MYO3B: variants seen among roughly 807,000 people sequenced by gnomAD.
The protein encoded by MYO3B is myosin-IIIb.
In MYO3B, 156 loss-of-function variants were observed where a neutral mutation model predicts 174.6. The observed-to-expected ratio is 0.89, with a 90% confidence interval of 0.78 to 1.02. The LOEUF (loss-of-function observed/expected upper bound fraction) is 1.02. Among genes scored for constraint, MYO3B ranks in the 50% least tolerant of loss-of-function variants. The pLI is 0.00. For synonymous variants in MYO3B, 563 were observed against 569.1 expected, an observed-to-expected ratio of 0.99 and a Z score of 0.15; for missense variants, 1,632 against 1,639.4, an observed-to-expected ratio of 1.00 and a Z score of 0.08.
At chr2:170,296,292 T>C (rs1320537829) in intron 7 of MYO3B, among the ~76,000 whole-genome samples, 1 of 152,190 alleles carries the variant, frequency 6.6e-6, no homozygotes, top group East Asian at 1.9e-4. Context: ...AAGAAGCTTA[T>C]CCAATGTGAA....
chr2:170,587,976 A>C (rs1693589518), intron 32 of MYO3B, among the ~76,000 whole-genome samples: 1 of 152,202 alleles, frequency 6.6e-6, no homozygotes, highest in Non-Finnish European at 1.5e-5. Flanking sequence ...AGATCTCTAC[A>C]TGGACTTATA....
At chr2:170,472,012 C>G (rs191052215) in intron 25 of MYO3B, among the ~76,000 whole-genome samples, 1 of 151,192 alleles carries the variant, frequency 6.6e-6, no homozygotes. Flanking sequence ...AAAAAACTCA[C>G]TTGACCAACT....
Position 170,383,770 on chromosome 2 carries a change from G to A in MYO3B, c.1246G>A (p.Ala416Thr), listed in dbSNP as rs770687180. The change falls in exon 12 of 35, where the codon GCA becomes ACA. Residue 416 changes from alanine (A) to threonine (T), a missense_variant. Coordinates refer to ENST00000408978, the MANE Select transcript of MYO3B (RefSeq NM_138995.5). ...ASNPPHIFAS[A>T]DAAYQCMVTL... is the part of the protein sequence containing the mutation. Reference sequence around the variant, plus strand: ...CAATCCCCCCCACATATTTGCATCAGCAGATGCTGCTTACCAGTGCATGGT... The same window carrying A: ...CAATCCCCCCCACATATTTGCATCAACAGATGCTGCTTACCAGTGCATGGT... 4 of 1,613,802 alleles carry A rather than the reference G, an allele frequency of 2.5e-6. No homozygotes were observed. The highest frequency in any genetic ancestry group is 3.3e-4 in the Middle Eastern group (2 of 6,058).
intron 22 of MYO3B, among the ~76,000 whole-genome samples, chr2:170,414,453 TG>T: frequency 6.6e-6 from 1 of 152,206 alleles, no homozygotes; most frequent in Admixed American, 6.5e-5. Flanking sequence ...TCCCAAAGTG[TG>T]GGGATTATAG....
At chr2:170,254,040 C>G (rs2093281029) in intron 7 of MYO3B, among the ~76,000 whole-genome samples, 1 of 152,094 alleles carries the variant, frequency 6.6e-6, no homozygotes, top group Non-Finnish European at 1.5e-5. Flanking sequence ...AGAGGTGATG[C>G]AGACACCAAG....
chr2:170,344,014 G>A (rs910879847), intron 8 of MYO3B, among the ~76,000 whole-genome samples: 12 of 152,224 alleles, frequency 7.9e-5, no homozygotes, highest in Admixed American at 2.0e-4. Context: ...GTGTGGCAGG[G>A]CCACATGGCA....
At chr2:170,377,711 A>G (rs2094305296) in intron 9 of MYO3B, among the ~76,000 whole-genome samples, 1 of 152,220 alleles carries the variant, frequency 6.6e-6, no homozygotes, top group South Asian at 2.1e-4. Context: ...CTTGGCAGCC[A>G]ACATACTTAC....
chr2:170,608,748 A>G (rs1694970904), intron 32 of MYO3B, among the ~76,000 whole-genome samples: 1 of 152,212 alleles, frequency 6.6e-6, no homozygotes, highest in African/African-American at 2.4e-5. Flanking sequence ...CTCTCATGAA[A>G]TTAACCATTG....
intron 32 of MYO3B, among the ~76,000 whole-genome samples, chr2:170,590,423 T>A (rs1367932761): frequency 2.0e-5 from 3 of 152,090 alleles, no homozygotes; most frequent in African/African-American, 7.2e-5. Flanking sequence ...AAATTTCTTA[T>A]TATATCCCCA....
At chr2:170,605,544 T>A (rs1241022499) in intron 32 of MYO3B, among the ~76,000 whole-genome samples, 1 of 152,122 alleles carries the variant, frequency 6.6e-6, no homozygotes, top group Non-Finnish European at 1.5e-5. Flanking sequence ...CCTCCCTTGG[T>A]ATTTCCTGTT....
At chr2:170,531,431 G>A (rs573586046) in intron 30 of MYO3B, among the ~76,000 whole-genome samples, 5 of 152,168 alleles carry the variant, frequency 3.3e-5, no homozygotes, top group Admixed American at 1.3e-4. Context: ...CTTCATAAAC[G>A]CACTTATTTT....
intron 32 of MYO3B, among the ~76,000 whole-genome samples, chr2:170,636,396 ATTTC>A (rs1697481215): frequency 6.9e-6 from 1 of 144,732 alleles, no homozygotes; most frequent in Admixed American, 7.1e-5. Flanking sequence ...ATCTCCATGA[ATTTC>A]TTTTTTTTTT....
intron 32 of MYO3B, among the ~76,000 whole-genome samples, chr2:170,600,283 TA>T (rs1694429996): frequency 6.6e-6 from 1 of 152,128 alleles, no homozygotes; most frequent in Non-Finnish European, 1.5e-5. Flanking sequence ...CAAAAGCACG[TA>T]AAATTATAAG....
chr2:170,457,147 G>A lies in MYO3B; in HGVS notation c.2731-6221G>A, dbSNP rs141791771. 2.4e-3 allele frequency among the ~76,000 whole-genome samples: 373 copies of A among 152,356 alleles called. 10 individuals carry two copies. In the East Asian group the frequency reaches 0.058, roughly 24 times the overall value. On this transcript the variant is annotated intron_variant, in intron 23 of 34. Coordinates refer to ENST00000408978, the MANE Select transcript of MYO3B (RefSeq NM_138995.5). Reference sequence around the variant, plus strand: ...TACAGGACTGGAAGTCACTCTGGGTGAGTCAGTGAGTGTGTGGCGAGTGAA... The same window carrying A: ...TACAGGACTGGAAGTCACTCTGGGTAAGTCAGTGAGTGTGTGGCGAGTGAA...
intron 18 of MYO3B, among the ~76,000 whole-genome samples, 167 bp from the exon 19 acceptor site, chr2:170,402,681 T>C (rs1172308945): frequency 1.3e-5 from 2 of 150,972 alleles, no homozygotes; most frequent in Non-Finnish European, 3.0e-5. Flanking sequence ...AAAGAACAAA[T>C]AGTTTGAGAC....
Position 170,486,948 on chromosome 2 carries a change from G to T in MYO3B, c.3015-11644G>T, listed in dbSNP as rs80042012. Among the ~76,000 whole-genome samples the T allele has an allele frequency of 1.2e-3, 188 of 152,262 alleles. 2 individuals carry two copies. In the East Asian group the frequency reaches 0.028, roughly 23 times the overall value. On this transcript the variant is annotated intron_variant, in intron 25 of 34. Coordinates refer to ENST00000408978, the MANE Select transcript of MYO3B (RefSeq NM_138995.5). ...CCACTTGATGGCAGTCAATTATCAT[G>T]TTCCCCTAAGTCAATGGTTCTCAAA...
chr2:170,282,711 A>G (rs2093521698), intron 7 of MYO3B, among the ~76,000 whole-genome samples: 2 of 152,144 alleles, frequency 1.3e-5, no homozygotes, highest in South Asian at 4.1e-4. Flanking sequence ...TCATTTAAAC[A>G]ATATTAATGC....
At chr2:170,528,699 C>T (rs1460931115) in intron 30 of MYO3B, among the ~76,000 whole-genome samples, 3 of 152,220 alleles carry the variant, frequency 2.0e-5, no homozygotes, top group Admixed American at 6.5e-5. Context: ...AGAAACTGTG[C>T]CCAGCCTCAA....
chr2:170,386,893 C>T (rs542338114), intron 13 of MYO3B, among the ~76,000 whole-genome samples: 2 of 152,318 alleles, frequency 1.3e-5, no homozygotes, highest in Admixed American at 1.3e-4. Context: ...ATTTTTAAAA[C>T]TGCTGTCCTA....
Sources: gnomAD v4.1 joint callset for allele counts (sites outside exome capture counted in the v4.1 genomes callset) on GRCh38, gnomAD v4.1.1 for gene constraint, MANE v1.5 for transcripts, NCBI Gene and HGNC (gene_info 2026-07-23, HGNC 2026-07-21) for gene names.